Variants in CMIP observed in about 807,000 individuals in gnomAD.
CMIP encodes C-Maf-inducing protein.
A neutral mutation model predicts 97.3 loss-of-function variants in CMIP; 13 were observed. That is an observed-to-expected ratio of 0.13 (90% CI 0.09 to 0.21). The LOEUF is 0.21. Among genes scored for constraint, CMIP ranks in the 10% least tolerant of loss-of-function variants. CMIP has a pLI of 1.00. For synonymous variants in CMIP, 538 were observed against 436.3 expected (o/e 1.23, Z -2.91); for missense variants, 847 against 1,024.9 (o/e 0.83, Z 2.37).
chr16:81,645,393 G>A, intron 3 of CMIP: 1 of 1,447,946 alleles, frequency 6.9e-7, no homozygotes, highest in Non-Finnish European at 9.2e-7. Flanking sequence ...TGCGGCAGCA[G>A]CAGAGCAGCA....
intron 1 of CMIP, among the ~76,000 whole-genome samples, chr16:81,448,201 C>T (rs149660231): frequency 4.2e-3 from 634 of 150,818 alleles, no homozygotes; most frequent in African/African-American, 0.015. Context: ...ATATTTTAAG[C>T]CATCTACACA....
At chr16:81,649,764 G>C (rs77030213) in intron 3 of CMIP, among the ~76,000 whole-genome samples, 2 of 152,164 alleles carry the variant, frequency 1.3e-5, no homozygotes, top group Non-Finnish European at 2.9e-5. Flanking sequence ...TGTAAGACAC[G>C]GGTGTGGATC....
chr16:81,521,937 T>C (rs979345137), intron 1 of CMIP, among the ~76,000 whole-genome samples: 2 of 152,298 alleles, frequency 1.3e-5, no homozygotes, highest in Admixed American at 6.5e-5. Flanking sequence ...TACAGTGAAA[T>C]GCAGGGTACA....
chr16:81,644,840 A>AG (rs1355284011), intron 3 of CMIP, among the ~76,000 whole-genome samples: 2 of 151,808 alleles, frequency 1.3e-5, no homozygotes, highest in South Asian at 2.1e-4. Context: ...GGGCTTGGAG[A>AG]GGGGGGTCTC....
rs1012276501 is a variant in CMIP at position 81,655,391 on chromosome 16, T to C, written c.640-2384T>C. Among the ~76,000 whole-genome samples the C allele has an allele frequency of 1.3e-5, 2 of 152,186 alleles. No homozygotes were observed. Among genetic ancestry groups the C allele is most frequent in the Non-Finnish European group, 1.5e-5 (1 of 68,032 alleles). ...ACGCAAAACAGTTCCGAGAAAGAACTGTCCGTCCACCAGCAAAGCAAAGCT... is the reference window on the plus strand; with the variant it reads ...ACGCAAAACAGTTCCGAGAAAGAACCGTCCGTCCACCAGCAAAGCAAAGCT... On this transcript the variant is annotated intron_variant, in intron 4 of 20. Transcript: ENST00000537098. The surrounding 1 kb of genome is among the most constrained non-coding windows in gnomAD (Gnocchi z 4.9).
Position 81,702,652 on chromosome 16 carries a change from C to G in CMIP, c.1927C>G (p.Leu643Val). 1 of 1,613,574 alleles carries G rather than the reference C, an allele frequency of 6.2e-7. No homozygotes were observed. Among genetic ancestry groups the G allele is most frequent in the Non-Finnish European group, 8.5e-7 (1 of 1,179,680 alleles). The change falls in exon 17 of 21, where the codon CTG (leucine) becomes GTG (valine). Residue 643 changes from leucine to valine, a missense_variant. Transcript: ENST00000537098. ...GAAAGGCGGGCCCACCAGGCTAACA[C>G]TGCCCTCCAAGTCCACAGTGAGTTG... ...QRKGGPTRLTLPSKSTDADLA... is the reference protein window; with the variant it reads ...QRKGGPTRLTVPSKSTDADLA...
At chr16:81,558,049 A>T (rs2090802254) in intron 1 of CMIP, among the ~76,000 whole-genome samples, 1 of 152,108 alleles carries the variant, frequency 6.6e-6, no homozygotes. Flanking sequence ...CGCAATATTT[A>T]TCCTTTGTGG....
At chr16:81,642,561 C>G (rs1405352251) in intron 3 of CMIP, among the ~76,000 whole-genome samples, 1 of 152,170 alleles carries the variant, frequency 6.6e-6, no homozygotes, top group Non-Finnish European at 1.5e-5. Context: ...GGGCAAAAAG[C>G]AACAATATAT....
chr16:81,709,466 A>G (rs1908517347), intron 20 of CMIP, among the ~76,000 whole-genome samples: 1 of 152,180 alleles, frequency 6.6e-6, no homozygotes, highest in African/African-American at 2.4e-5. Flanking sequence ...CCTGGATTCA[A>G]ACCCCAGTGC....
intron 1 of CMIP, chr16:81,476,277 C>G (rs1907912164): frequency 1.9e-6 from 3 of 1,554,336 alleles, no homozygotes; most frequent in Non-Finnish European, 2.7e-6. Context: ...CTTCAAATTT[C>G]TCCCCATAGA....
At chr16:81,502,526 C>G (rs1402936015) in intron 1 of CMIP, among the ~76,000 whole-genome samples, 2 of 152,148 alleles carry the variant, frequency 1.3e-5, no homozygotes, top group African/African-American at 4.8e-5. Context: ...CTCATTCGCT[C>G]AGCGATCCAT....
At chr16:81,654,161 AT>A (rs1414137772) in intron 4 of CMIP, among the ~76,000 whole-genome samples, 1 of 151,994 alleles carries the variant, frequency 6.6e-6, no homozygotes, top group Non-Finnish European at 1.5e-5. Context: ...CTCGGGCAAG[AT>A]TTTTTTTCCC....
intron 3 of CMIP, among the ~76,000 whole-genome samples, chr16:81,625,662 A>G (rs3924153): frequency 0.1 from 15,899 of 152,302 alleles, 1,040 homozygotes; most frequent in South Asian, 0.21. Flanking sequence ...GCTGTGAGGG[A>G]CAAGTCTGTC....
chr16:81,661,096 G>A, intron 6 of CMIP, 150 bp downstream of exon 6: 2 of 906,216 alleles, frequency 2.2e-6, no homozygotes, highest in African/African-American at 1.6e-5. Flanking sequence ...GGCATGCCCG[G>A]CACCCATTCT....
chr16:81,501,693 C>G (rs893298602), intron 1 of CMIP, among the ~76,000 whole-genome samples: 3 of 150,954 alleles, frequency 2.0e-5, no homozygotes, highest in Non-Finnish European at 4.4e-5. Context: ...CTCACTGCAA[C>G]TTCTGCTTCC....
chr16:81,589,118 G>T (rs1030913375), intron 1 of CMIP, among the ~76,000 whole-genome samples: 1 of 150,946 alleles, frequency 6.6e-6, no homozygotes, highest in African/African-American at 2.4e-5. Context: ...TTTTGAGGCA[G>T]TGTGTCACCC....
rs148630559 is a variant in CMIP at position 81,574,580 on chromosome 16, A to T, written c.301-32987A>T. Among the ~76,000 whole-genome samples the T allele has an allele frequency of 8.5e-5, 13 of 152,384 alleles. No homozygotes were observed. The East Asian group carries it at 2.5e-3, about 29-fold the overall frequency. ...ATTGGAAAATTCAGTCACTAAAAAC[A>T]GTGACGGAAAGGTTGTAGGTGATTC... On this transcript the variant is annotated intron_variant, in intron 1 of 20. Transcript: ENST00000537098.
At chr16:81,492,046 C>T (rs1236257697) in intron 1 of CMIP, among the ~76,000 whole-genome samples, 1 of 152,162 alleles carries the variant, frequency 6.6e-6, no homozygotes, top group Non-Finnish European at 1.5e-5. Context: ...TAGAGTGTGC[C>T]ACAGTGAATA....
chr16:81,513,083 T>A (rs565254276), intron 1 of CMIP, among the ~76,000 whole-genome samples: 1 of 152,254 alleles, frequency 6.6e-6, no homozygotes, highest in Non-Finnish European at 1.5e-5. Context: ...TTTTGGATGC[T>A]CCGGTTGGCC....
Sources: gnomAD v4.1 joint callset for allele counts (sites outside exome capture counted in the v4.1 genomes callset) on GRCh38, gnomAD v4.1.1 for gene constraint, Gnocchi (gnomAD v3.1) non-coding constraint, MANE v1.5 for transcripts, NCBI Gene and HGNC (gene_info 2026-07-23, HGNC 2026-07-21) for gene names.